Variants in SNX30 observed in about 807,000 individuals in gnomAD.
SNX30 encodes sorting nexin family member 30.
A neutral mutation model predicts 46.4 loss-of-function variants in SNX30; 24 were observed. The ratio of observed to expected loss-of-function variants is 0.52; its 90% confidence interval spans 0.37 to 0.73. SNX30 has a LOEUF of 0.73. SNX30 is among the 30% of genes least tolerant of loss of function. The pLI, the probability that SNX30 is intolerant of heterozygous loss-of-function variation, is 0.00. For synonymous variants in SNX30, 189 were observed against 211.5 expected, an observed-to-expected ratio of 0.89 and a Z score of 0.92; for missense variants, 533 against 555.7, an observed-to-expected ratio of 0.96 and a Z score of 0.41.
At chr9:112,770,278 TCTC>T (rs965677320) in intron 1 of SNX30, among the ~76,000 whole-genome samples, 84 of 151,910 alleles carry the variant, frequency 5.5e-4, no homozygotes, top group African/African-American at 1.9e-3. Flanking sequence ...TGCAAGCAAT[TCTC>T]CTGCCTCAGC....
intron 2 of SNX30, among the ~76,000 whole-genome samples, chr9:112,814,492 C>T (rs1283820728): frequency 6.6e-5 from 10 of 152,158 alleles, no homozygotes; most frequent in Admixed American, 5.9e-4. Context: ...CTGCCTGCCT[C>T]GGCCTCCCAA....
chr9:112,851,635 A>G (rs10759592), intron 7 of SNX30, among the ~76,000 whole-genome samples: 121,643 of 152,206 alleles, frequency 0.8, 48,803 homozygotes, highest in South Asian at 0.87. Flanking sequence ...ATCAGGACAA[A>G]GGAATTGTAA....
intron 8 of SNX30, among the ~76,000 whole-genome samples, 185 bp from the exon 9 acceptor site, chr9:112,868,599 G>A (rs1020181878): frequency 6.6e-6 from 1 of 152,190 alleles, no homozygotes; most frequent in Non-Finnish European, 1.5e-5. Context: ...AAGATGGGGT[G>A]ACGCATTCAA....
At chr9:112,781,763 C>G (rs891990275) in intron 1 of SNX30, among the ~76,000 whole-genome samples, 73 of 151,730 alleles carry the variant, frequency 4.8e-4, no homozygotes, top group African/African-American at 1.6e-3. Flanking sequence ...TCCTGAGTAG[C>G]TGGGATTACA....
At position 112,760,087 on chromosome 9, in the gene SNX30, A is replaced by T. The variant is rs561885316; in HGVS notation, c.156+8930A>T. Among the ~76,000 whole-genome samples the T allele has an allele frequency of 7.0e-4, 107 of 152,294 alleles. 1 individual carries two copies. Among genetic ancestry groups the T allele is most frequent in the African/African-American group, 2.5e-3 (103 of 41,550 alleles). On this transcript the variant is annotated intron_variant, in intron 1 of 8. Transcript: ENST00000374232. ...ATAAAAGCCAGTGAAGTTATTTCAA[A>T]CAGAGAGACTATAATACAAGGAGTT...
chr9:112,750,644 G>C (rs866299203), upstream of SNX30, among the ~76,000 whole-genome samples: 120 of 151,608 alleles, frequency 7.9e-4, no homozygotes, highest in African/African-American at 2.7e-3. Flanking sequence ...CCCTCCCTCC[G>C]TCCTTCCTTC....
intron 1 of SNX30, among the ~76,000 whole-genome samples, chr9:112,769,804 C>T (rs1337458571): frequency 2.0e-5 from 3 of 152,228 alleles, no homozygotes; most frequent in African/African-American, 4.8e-5. Flanking sequence ...CTGTCTCCCA[C>T]TGCCTTCTTG....
At chr9:112,805,541 C>T (rs1038011793) in intron 2 of SNX30, among the ~76,000 whole-genome samples, 5 of 151,982 alleles carry the variant, frequency 3.3e-5, no homozygotes, top group African/African-American at 1.2e-4. Flanking sequence ...TGATCTCAGC[C>T]CACTGCAACT....
intron 1 of SNX30, among the ~76,000 whole-genome samples, chr9:112,760,747 C>T (rs1468854768): frequency 6.6e-6 from 1 of 152,174 alleles, no homozygotes; most frequent in Non-Finnish European, 1.5e-5. Context: ...ACTTAAATTA[C>T]CAATACCGTG....
At chr9:112,816,782 T>C (rs553563063) in intron 2 of SNX30, among the ~76,000 whole-genome samples, 12 of 152,220 alleles carry the variant, frequency 7.9e-5, no homozygotes, top group Non-Finnish European at 1.8e-4. Context: ...ATTTTTATCT[T>C]GTACTTTAAT....
intron 7 of SNX30, among the ~76,000 whole-genome samples, chr9:112,852,253 T>TAAA (rs36011220): frequency 6.7e-6 from 1 of 149,280 alleles, no homozygotes; most frequent in Non-Finnish European, 1.5e-5. Flanking sequence ...GACCCTATCT[T>TAAA]AAAAAAAAAA....
chr9:112,829,223 A>G (rs1392336098), intron 3 of SNX30, among the ~76,000 whole-genome samples: 4 of 152,208 alleles, frequency 2.6e-5, no homozygotes, highest in Non-Finnish European at 5.9e-5. Context: ...ATTTGTGTAC[A>G]AAATTTTGTT....
intron 7 of SNX30, among the ~76,000 whole-genome samples, chr9:112,851,884 G>T (rs1453502262): frequency 6.6e-6 from 1 of 152,152 alleles, no homozygotes; most frequent in African/African-American, 2.4e-5. Context: ...GGTTGAGCCA[G>T]ATTACCACCT....
intron 4 of SNX30, 116 bp downstream of exon 4, chr9:112,830,999 G>A: frequency 9.2e-7 from 1 of 1,087,750 alleles, no homozygotes. Context: ...ATAGCCGAGT[G>A]TGATGTTGTG....
chr9:112,840,357 T>TA (rs1333343122), intron 6 of SNX30, among the ~76,000 whole-genome samples: 4 of 152,106 alleles, frequency 2.6e-5, no homozygotes, highest in East Asian at 3.8e-4. Flanking sequence ...TGACTTTTAT[T>TA]AAAAAAAATT....
At position 112,794,984 on chromosome 9, in the gene SNX30, T is replaced by C. The variant is rs552392777; in HGVS notation, c.157-9792T>C. On this transcript the variant is annotated intron_variant, in intron 1 of 8. Coordinates refer to ENST00000374232, the MANE Select transcript of SNX30 (RefSeq NM_001012994.2). ...TTTTCATTATTAATCAACTATGTAG[T>C]TGTAACTCTTCACAAAGGCTATTCT... 5.9e-5 allele frequency among the ~76,000 whole-genome samples: 9 copies of C among 152,314 alleles called. No homozygotes were observed. The South Asian group carries it at 1.7e-3, about 28-fold the overall frequency.
downstream of SNX30, among the ~76,000 whole-genome samples, chr9:112,882,733 C>T (rs964521612): frequency 5.9e-5 from 9 of 151,608 alleles, no homozygotes; most frequent in South Asian, 2.1e-4. Context: ...TGGGTGGTGC[C>T]GCCGTTTAAT....
At chr9:112,825,074 A>G (rs1840561564) in intron 3 of SNX30, among the ~76,000 whole-genome samples, 1 of 152,190 alleles carries the variant, frequency 6.6e-6, no homozygotes, top group Admixed American at 6.6e-5. Flanking sequence ...TTGTTTGAGC[A>G]CTTATTTTCA....
In SNX30 at chr9:112,874,902, T is replaced by C. The variant is rs533395425; in HGVS notation, c.*6059T>C. ...AGGTAAACAAAAGAATTTGTATTGCTTGATAAATATTAGCTTGTAAATTTA... is the reference window on the plus strand; with the variant it reads ...AGGTAAACAAAAGAATTTGTATTGCCTGATAAATATTAGCTTGTAAATTTA... On this transcript the variant is annotated 3_prime_UTR_variant, in exon 9 of 9. Transcript: ENST00000374232. The C allele has an allele frequency of 5.3e-5, 8 of 152,342 alleles. No individual in the cohort carries two copies. Among genetic ancestry groups the C allele is most frequent in the African/African-American group, 1.9e-4 (8 of 41,584 alleles). 9.4% of individuals were successfully genotyped at this position (152,342 alleles called of 1,614,324 possible).
Sources: allele counts gnomAD v4.1 joint callset (sites outside exome capture counted in the v4.1 genomes callset), GRCh38; gene constraint gnomAD v4.1.1; transcripts MANE v1.5; gene names NCBI Gene and HGNC (gene_info 2026-07-23, HGNC 2026-07-21).